The following PLEK variants were observed in gnomAD, a reference collection of about 807,000 sequenced individuals.
The protein encoded by PLEK is pleckstrin, also known as platelet 47 kDa protein.
Under a neutral mutation model 43.9 loss-of-function variants are expected in PLEK, and 25 were observed. The observed-to-expected ratio is 0.57, with a 90% CI of 0.41 to 0.79. PLEK has a LOEUF of 0.79. PLEK is among the 30% of genes least tolerant of loss of function. The pLI is 0.00. For synonymous variants in PLEK, 152 were observed against 144.4 expected, an observed-to-expected ratio of 1.05 and a Z score of -0.38; for missense variants, 396 against 413.3, an observed-to-expected ratio of 0.96 and a Z score of 0.36.
At chr2:68,378,041 A>G (rs1673538629) in intron 1 of PLEK, among the ~76,000 whole-genome samples, 1 of 152,194 alleles carries the variant, frequency 6.6e-6, no homozygotes, top group Non-Finnish European at 1.5e-5. Flanking sequence ...TATATAAAAC[A>G]TGTGTATACA....
intron 1 of PLEK, among the ~76,000 whole-genome samples, chr2:68,372,348 A>G (rs1245517419): frequency 6.6e-6 from 1 of 151,834 alleles, no homozygotes; most frequent in Non-Finnish European, 1.5e-5. Flanking sequence ...TAATTTTTGT[A>G]TATTTTTAGT....
At chr2:68,378,492 T>G (rs1019471415) in intron 1 of PLEK, among the ~76,000 whole-genome samples, 5 of 152,164 alleles carry the variant, frequency 3.3e-5, no homozygotes, top group African/African-American at 1.2e-4. Context: ...ATGCAGATCC[T>G]CAGGGCCTTC....
At chr2:68,394,250 C>T in intron 8 of PLEK, 74 bp downstream of exon 8, 4 of 866,836 alleles carry the variant, frequency 4.6e-6, no homozygotes, top group East Asian at 2.4e-5. Flanking sequence ...CCTGGGCCAA[C>T]ATTAATCAAT....
chr2:68,390,443 T>A (rs549586381), intron 6 of PLEK, among the ~76,000 whole-genome samples: 5 of 152,322 alleles, frequency 3.3e-5, no homozygotes, highest in African/African-American at 1.2e-4. Flanking sequence ...TCTTAGAAGC[T>A]TCCTTTTTAT....
At chr2:68,378,883 A>C (rs573558271) in intron 1 of PLEK, among the ~76,000 whole-genome samples, 1 of 152,160 alleles carries the variant, frequency 6.6e-6, no homozygotes, top group African/African-American at 2.4e-5. Flanking sequence ...TAATCCCAGC[A>C]CTCTGGGAGG....
chr2:68,385,895 C>T (rs1223644037), intron 4 of PLEK, among the ~76,000 whole-genome samples: 1 of 152,248 alleles, frequency 6.6e-6, no homozygotes, highest in South Asian at 2.1e-4. Context: ...ACCCATCATG[C>T]CCTTTTACAC....
chr2:68,389,598 G>C (rs1164193317), intron 6 of PLEK, among the ~76,000 whole-genome samples: 1 of 152,202 alleles, frequency 6.6e-6, no homozygotes, highest in African/African-American at 2.4e-5. Context: ...TTTCACAGGG[G>C]GAAGTGGGAC....
At chr2:68,389,318 C>A (rs1330455029) in intron 6 of PLEK, among the ~76,000 whole-genome samples, 2 of 152,218 alleles carry the variant, frequency 1.3e-5, no homozygotes, top group Non-Finnish European at 2.9e-5. Context: ...CAAGGTCTTG[C>A]CTTCCTGGCT....
chr2:68,386,409 C>A, intron 4 of PLEK, 93 bp from the exon 5 acceptor site: 2 of 910,520 alleles, frequency 2.2e-6, no homozygotes, highest in Non-Finnish European at 3.4e-6. Flanking sequence ...ACAAGTCAGA[C>A]CTGTGGGTGA....
At chr2:68,369,548 A>T (rs1385884594) in intron 1 of PLEK, among the ~76,000 whole-genome samples, 2 of 146,716 alleles carry the variant, frequency 1.4e-5, no homozygotes, top group Non-Finnish European at 3.0e-5. Flanking sequence ...CAATGGTACG[A>T]TCTCGGCTCA....
chr2:68,376,341 A>T (rs1212358297), intron 1 of PLEK, among the ~76,000 whole-genome samples: 1 of 152,142 alleles, frequency 6.6e-6, no homozygotes, highest in Admixed American at 6.6e-5. Flanking sequence ...GTTGACTGTC[A>T]CTGTATATAC....
intron 4 of PLEK, among the ~76,000 whole-genome samples, chr2:68,382,976 A>G (rs527700125): frequency 6.6e-6 from 1 of 152,328 alleles, no homozygotes; most frequent in Admixed American, 6.5e-5. Context: ...ATAAACAGGG[A>G]TTAAGGCATA....
At chr2:68,365,523 G>A (rs768136026) in intron 1 of PLEK, 130 bp downstream of exon 1, 15 of 740,226 alleles carry the variant, frequency 2.0e-5, no homozygotes, top group African/African-American at 5.2e-5. Flanking sequence ...ATAGGGGAGC[G>A]TGGTAGCACA....
chr2:68,378,613 T>C (rs1473238448), intron 1 of PLEK, among the ~76,000 whole-genome samples: 1 of 152,154 alleles, frequency 6.6e-6, no homozygotes, highest in East Asian at 1.9e-4. Context: ...ATAGAGAGGA[T>C]GAAAACTCAA....
chr2:68,375,644 A>G (rs770895504), intron 1 of PLEK, among the ~76,000 whole-genome samples: 30 of 152,250 alleles, frequency 2.0e-4, no homozygotes, highest in Non-Finnish European at 3.7e-4. Context: ...TAGTCCCACA[A>G]GTATTTATCT....
intron 1 of PLEK, among the ~76,000 whole-genome samples, chr2:68,370,148 G>A (rs760009290): frequency 6.6e-6 from 1 of 152,222 alleles, no homozygotes; most frequent in Non-Finnish European, 1.5e-5. Context: ...TGACAGTTCT[G>A]CTTTAGATAT....
In PLEK at chr2:68,386,072, GTTA is replaced by G. The variant is rs772693643; in HGVS notation, c.473-424_473-422del. Reference sequence around the variant, plus strand: ...AAGACTTTATTTTTTTATTTTTAAAGTTATTATTTTTTTATTTTATTTTTGTTT... The same window carrying G: ...AAGACTTTATTTTTTTATTTTTAAAGTTATTTTTTTATTTTATTTTTGTTT... On this transcript the variant is annotated intron_variant, in intron 4 of 8. Transcript: ENST00000234313. Among the ~76,000 whole-genome samples, 17 of 151,434 alleles carry G rather than the reference GTTA, an allele frequency of 1.1e-4. No individual in the cohort carries two copies. In the East Asian group the frequency reaches 1.4e-3, roughly 12 times the overall value.
intron 7 of PLEK, 145 bp downstream of exon 7, chr2:68,393,390 T>G (rs1167313879): frequency 1.6e-6 from 1 of 625,216 alleles, no homozygotes; most frequent in Non-Finnish European, 2.9e-6. Flanking sequence ...CTCCTCTACC[T>G]TTTTCTATCC....
intron 1 of PLEK, among the ~76,000 whole-genome samples, chr2:68,366,440 C>A (rs1273332491): frequency 1.3e-5 from 2 of 152,230 alleles, no homozygotes; most frequent in Non-Finnish European, 2.9e-5. Flanking sequence ...AGGAGACAGA[C>A]CCAGAAGGCT....
Sources: allele counts gnomAD v4.1 joint callset (sites outside exome capture counted in the v4.1 genomes callset), GRCh38; gene constraint gnomAD v4.1.1; transcripts MANE v1.5; gene names NCBI Gene and HGNC (gene_info 2026-07-23, HGNC 2026-07-21).